The following PDE4D variants were observed in gnomAD, a reference collection of about 807,000 sequenced individuals.
PDE4D encodes the protein 3',5'-cyclic-AMP phosphodiesterase 4D.
Under a neutral mutation model 87.4 loss-of-function variants are expected in PDE4D, and 24 were observed. The observed-to-expected ratio is 0.27, with a 90% CI of 0.20 to 0.39. PDE4D has a LOEUF of 0.39. Among genes scored for constraint, PDE4D ranks in the 10% least tolerant of loss-of-function variants. The pLI is 1.00. For synonymous variants in PDE4D, 384 were observed against 383.2 expected (o/e 1.00, Z -0.02); for missense variants, 714 against 1,041.0 (o/e 0.69, Z 4.32).
At chr5:59,526,600 T>C (rs1813182361) in intron 1 of PDE4D, among the ~76,000 whole-genome samples, 2 of 152,206 alleles carry the variant, frequency 1.3e-5, no homozygotes, top group Admixed American at 6.5e-5. Context: ...ACATTTAAAA[T>C]AGCAAGAGGA....
intron 1 of PDE4D, among the ~76,000 whole-genome samples, chr5:60,338,392 T>C (rs950228944): frequency 6.6e-6 from 1 of 152,224 alleles, no homozygotes; most frequent in Non-Finnish European, 1.5e-5. Context: ...ACACTGCTGC[T>C]GCCGCCGCCA....
In PDE4D at chr5:58,989,895, T is replaced by C; in HGVS notation, c.1312A>G (p.Lys438Glu). 1 of 1,540,054 alleles carries C rather than the reference T, an allele frequency of 6.5e-7. No homozygotes were observed. The highest frequency in any genetic ancestry group is 8.9e-7 in the Non-Finnish European group (1 of 1,119,978). The change falls in exon 10 of 15, where the codon AAA becomes GAA. Residue 438 changes from lysine to glutamate, a missense_variant. Around this residue, in one of 7 missense-constraint regions of PDE4D, gnomAD observed 141 missense variants for 204.3 expected, o/e 0.69. Coordinates refer to ENST00000340635, the MANE Select transcript of PDE4D (RefSeq NM_001104631.2). ...FQERDLLKTF[K>E]IPVDTLITYL... ...GTAATTAAAGTATCTACTGGAATTT[T>C]AAATGTTTTTAATAAATCCCGTTCC...
At chr5:59,479,432 A>G (rs73760618) in intron 1 of PDE4D, among the ~76,000 whole-genome samples, 3,682 of 152,182 alleles carry the variant, frequency 0.024, 160 homozygotes, top group African/African-American at 0.084. Flanking sequence ...TGGCCTCAGA[A>G]GAAAGAAAGG....
At chr5:59,387,102 C>CT (rs1045043282) in intron 1 of PDE4D, among the ~76,000 whole-genome samples, 1 of 152,102 alleles carries the variant, frequency 6.6e-6, no homozygotes, top group Non-Finnish European at 1.5e-5. Context: ...TTAAATCTAT[C>CT]TTTTTTATCT....
intron 1 of PDE4D, among the ~76,000 whole-genome samples, chr5:59,605,556 G>A (rs1170471646): frequency 6.6e-6 from 1 of 151,982 alleles, no homozygotes; most frequent in Non-Finnish European, 1.5e-5. Flanking sequence ...GTTATTATAG[G>A]CTAAAATTGA....
At chr5:59,046,280 G>A (rs1292526085) in intron 5 of PDE4D, among the ~76,000 whole-genome samples, 1 of 152,214 alleles carries the variant, frequency 6.6e-6, no homozygotes, top group East Asian at 1.9e-4. Flanking sequence ...GTATGTGTGT[G>A]CATGTGTGTA....
In PDE4D at chr5:59,221,343, C is replaced by T. The variant is rs538299832; in HGVS notation, c.456-5375G>A. Among the ~76,000 whole-genome samples the T allele has an allele frequency of 6.6e-5, 10 of 152,252 alleles. No homozygotes were observed. In the East Asian group the frequency reaches 1.5e-3, roughly 24 times the overall value. On this transcript the variant is annotated intron_variant, in intron 1 of 14. Transcript: ENST00000340635. Reference sequence around the variant, plus strand: ...AAGGCTAATTCTGAGACTAAATTTTCGTATGGGGCTGGGTGTGGTGGCTCA... The same window carrying T: ...AAGGCTAATTCTGAGACTAAATTTTTGTATGGGGCTGGGTGTGGTGGCTCA...
chr5:59,465,956 CTGTTT>C (rs1034786545), intron 1 of PDE4D, among the ~76,000 whole-genome samples: 3 of 152,136 alleles, frequency 2.0e-5, no homozygotes, highest in Non-Finnish European at 4.4e-5. Context: ...CATGGTTATT[CTGTTT>C]TGTTTTGTTT....
intron 6 of PDE4D, among the ~76,000 whole-genome samples, chr5:59,021,173 A>G (rs4631140): frequency 0.1 from 15,730 of 152,174 alleles, 1,285 homozygotes; most frequent in East Asian, 0.47. Flanking sequence ...TGAAGTGAAG[A>G]CCTACAGGAG....
rs144706433 is a variant in PDE4D at position 59,330,835 on chromosome 5, T to C, written c.456-114867A>G. On this transcript the variant is annotated intron_variant, in intron 1 of 14. Coordinates refer to ENST00000340635, the MANE Select transcript of PDE4D (RefSeq NM_001104631.2). ...TCGCTGTGGCACTTCTCTGTTTATG[T>C]TGCCATGGCTTCCTCGACAGCCTCA... Among the ~76,000 whole-genome samples the C allele has an allele frequency of 1.8e-4, 27 of 152,306 alleles. 3 individuals carry two copies. The East Asian group carries it at 5.2e-3, about 29-fold the overall frequency.
At chr5:60,135,495 G>A (rs1029430441) in intron 2 of PDE4D, among the ~76,000 whole-genome samples, 3 of 152,052 alleles carry the variant, frequency 2.0e-5, no homozygotes, top group South Asian at 2.1e-4. Context: ...GTAGTCTATC[G>A]TTCAAAAATG....
chr5:60,373,812 C>T (rs1196032649), intron 1 of PDE4D, among the ~76,000 whole-genome samples: 1 of 152,164 alleles, frequency 6.6e-6, no homozygotes, highest in Non-Finnish European at 1.5e-5. Context: ...TATTCCTTGG[C>T]TCATGGCCCC....
At chr5:59,885,925 G>A (rs1750081725) in intron 1 of PDE4D, among the ~76,000 whole-genome samples, 1 of 152,014 alleles carries the variant, frequency 6.6e-6, no homozygotes, top group African/African-American at 2.4e-5. Flanking sequence ...TTCTATCTTT[G>A]AACATGAATA....
intron 2 of PDE4D, among the ~76,000 whole-genome samples, chr5:60,064,636 A>AAAT (rs1771851289): frequency 6.6e-6 from 1 of 152,156 alleles, no homozygotes; most frequent in East Asian, 1.9e-4. Context: ...GAACAGCTAG[A>AAAT]AATATGCCAT....
chr5:60,442,522 G>A (rs1219689012), intron 1 of PDE4D, among the ~76,000 whole-genome samples: 4 of 151,952 alleles, frequency 2.6e-5, no homozygotes, highest in Non-Finnish European at 4.4e-5. Flanking sequence ...ACCACAACAC[G>A]TGTATACCTA....
chr5:60,495,127 G>C (rs761594753), intron 1 of PDE4D, among the ~76,000 whole-genome samples: 3 of 152,150 alleles, frequency 2.0e-5, no homozygotes, highest in Admixed American at 6.5e-5. Context: ...ATCACATATA[G>C]TGCCTCAAAA....
intron 1 of PDE4D, among the ~76,000 whole-genome samples, chr5:59,717,845 T>C (rs1755248097): frequency 6.6e-6 from 1 of 152,226 alleles, no homozygotes; most frequent in Non-Finnish European, 1.5e-5. Context: ...CATTCAGTCC[T>C]CCAACAACCC....
intron 1 of PDE4D, among the ~76,000 whole-genome samples, chr5:59,782,539 G>A (rs1414429547): frequency 6.6e-6 from 1 of 152,108 alleles, no homozygotes; most frequent in East Asian, 1.9e-4. Context: ...TTAATAGCAT[G>A]TTTCACTATC....
chr5:59,478,383 T>G (rs908159500), intron 1 of PDE4D, among the ~76,000 whole-genome samples: 1 of 152,180 alleles, frequency 6.6e-6, no homozygotes, highest in Non-Finnish European at 1.5e-5. Flanking sequence ...TTCAGATAGA[T>G]TGTAAACATC....
Sources: gnomAD v4.1 joint callset for allele counts (sites outside exome capture counted in the v4.1 genomes callset) on GRCh38, gnomAD v4.1.1 for gene constraint, gnomAD v4.1.1 regional missense constraint, MANE v1.5 for transcripts, NCBI Gene and HGNC (gene_info 2026-07-23, HGNC 2026-07-21) for gene names.